Variants in CCDC178 observed in about 807,000 individuals in gnomAD.
CCDC178 encodes coiled-coil domain containing 178, also known as coiled-coil domain-containing protein 178.
Under a neutral mutation model 117.4 loss-of-function variants are expected in CCDC178, and 126 were observed. The ratio of observed to expected loss-of-function variants is 1.07; its 90% CI spans 0.93 to 1.24. The LOEUF is 1.24. CCDC178 is among the 50% of genes most tolerant of loss of function. The pLI, the probability that CCDC178 is intolerant of heterozygous loss-of-function variation, is 0.00. For synonymous variants in CCDC178, 283 were observed against 313.4 expected (o/e 0.90, Z 1.02); for missense variants, 1,030 against 986.9 (o/e 1.04, Z -0.59).
chr18:33,005,569 A>G (rs1019083984), intron 21 of CCDC178, among the ~76,000 whole-genome samples: 5 of 152,086 alleles, frequency 3.3e-5, no homozygotes, highest in African/African-American at 9.7e-5. Flanking sequence ...GTGACAACAG[A>G]CAACAATAAC....
intron 9 of CCDC178, among the ~76,000 whole-genome samples, chr18:33,339,777 T>C (rs1206276343): frequency 6.6e-6 from 1 of 152,124 alleles, no homozygotes; most frequent in Non-Finnish European, 1.5e-5. Context: ...CATTTTTCTC[T>C]TGCCACTGCC....
intron 21 of CCDC178, among the ~76,000 whole-genome samples, chr18:33,066,062 C>T (rs1462598738): frequency 1.3e-5 from 2 of 151,828 alleles, no homozygotes; most frequent in South Asian, 2.1e-4. Context: ...GGGGTTTTAC[C>T]GTGTTGGCCA....
chr18:33,060,840 A>G (rs982084694), intron 21 of CCDC178, among the ~76,000 whole-genome samples: 6 of 152,278 alleles, frequency 3.9e-5, no homozygotes, highest in African/African-American at 1.2e-4. Flanking sequence ...CAGAAAAACA[A>G]TAGCACTTAA....
intron 15 of CCDC178, among the ~76,000 whole-genome samples, chr18:33,233,108 T>C (rs1186602177): frequency 6.6e-6 from 1 of 152,192 alleles, no homozygotes; most frequent in Non-Finnish European, 1.5e-5. Context: ...TCATGAACCA[T>C]GTTTTCAGTG....
At chr18:33,093,023 T>C (rs1445936629) in intron 20 of CCDC178, 113 bp from the exon 21 acceptor site, 3 of 563,978 alleles carry the variant, frequency 5.3e-6, no homozygotes, top group Non-Finnish European at 8.6e-6. Context: ...ACATGCTCTA[T>C]TATGTATAGT....
chr18:33,175,731 G>C (rs1293076898), intron 20 of CCDC178, among the ~76,000 whole-genome samples: 1 of 152,066 alleles, frequency 6.6e-6, no homozygotes, highest in Non-Finnish European at 1.5e-5. Context: ...AGAGTTTCAG[G>C]ACTTTAGAAA....
intron 5 of CCDC178, among the ~76,000 whole-genome samples, chr18:33,381,892 C>T (rs1190902594): frequency 6.6e-6 from 1 of 151,308 alleles, no homozygotes; most frequent in African/African-American, 2.4e-5. Flanking sequence ...TTTATTTGGC[C>T]TACAAGATTT....
At chr18:32,949,167 A>G (rs1016286656) in intron 22 of CCDC178, among the ~76,000 whole-genome samples, 1 of 152,060 alleles carries the variant, frequency 6.6e-6, no homozygotes, top group South Asian at 2.1e-4. Context: ...TGGCTCTTCT[A>G]AAGATTTTTC....
chr18:33,427,725 T>G (rs2064141613), intron 2 of CCDC178, among the ~76,000 whole-genome samples: 1 of 152,162 alleles, frequency 6.6e-6, no homozygotes, highest in Admixed American at 6.5e-5. Flanking sequence ...TACCCATATA[T>G]CCACAAAGAT....
intron 20 of CCDC178, among the ~76,000 whole-genome samples, chr18:33,102,865 T>C (rs1247873276): frequency 6.6e-6 from 1 of 151,794 alleles, no homozygotes; most frequent in Non-Finnish European, 1.5e-5. Context: ...TGTAGATAAA[T>C]TTTATTGGAA....
intron 3 of CCDC178, among the ~76,000 whole-genome samples, chr18:33,401,076 C>T (rs2063703586): frequency 1.3e-5 from 2 of 152,110 alleles, no homozygotes; most frequent in Admixed American, 1.3e-4. Context: ...ACACATGCAA[C>T]ATTGATCGAT....
chr18:33,086,105 A>C (rs1312699157), intron 21 of CCDC178, among the ~76,000 whole-genome samples: 2 of 151,922 alleles, frequency 1.3e-5, no homozygotes, highest in East Asian at 3.8e-4. Context: ...AAAAATATTT[A>C]CTTGTTTTAT....
At chr18:33,279,797 G>A (rs1019692070) in intron 12 of CCDC178, among the ~76,000 whole-genome samples, 56 of 152,070 alleles carry the variant, frequency 3.7e-4, no homozygotes, top group African/African-American at 1.3e-3. Context: ...AAATAACGCC[G>A]CTTATCTACA....
intron 6 of CCDC178, among the ~76,000 whole-genome samples, chr18:33,362,602 T>C (rs1461333528): frequency 6.6e-6 from 1 of 151,954 alleles, no homozygotes; most frequent in African/African-American, 2.4e-5. Context: ...GAGACTAACA[T>C]AGATATGTTA....
chr18:33,256,757 T>A (rs1172771074), intron 14 of CCDC178, among the ~76,000 whole-genome samples: 1 of 152,094 alleles, frequency 6.6e-6, no homozygotes, highest in Non-Finnish European at 1.5e-5. Flanking sequence ...TTCTGGGTTC[T>A]ATTTTTAGGT....
chr18:33,408,791 C>A (rs2063815075), intron 3 of CCDC178, among the ~76,000 whole-genome samples: 1 of 152,096 alleles, frequency 6.6e-6, no homozygotes, highest in South Asian at 2.1e-4. Context: ...AATAAACGCA[C>A]TATCAGTATT....
At chr18:33,005,216 A>T (rs1314288200) in intron 21 of CCDC178, among the ~76,000 whole-genome samples, 2 of 152,082 alleles carry the variant, frequency 1.3e-5, no homozygotes, top group Non-Finnish European at 2.9e-5. Context: ...AACAACCTAA[A>T]TGCCTATCAA....
intron 20 of CCDC178, among the ~76,000 whole-genome samples, chr18:33,193,599 A>G (rs963053472): frequency 4.4e-4 from 67 of 152,316 alleles, no homozygotes; most frequent in African/African-American, 1.6e-3. Context: ...TATCTCACAT[A>G]GAATTCCGGA....
intron 20 of CCDC178, among the ~76,000 whole-genome samples, chr18:33,168,863 C>T (rs540058158): frequency 7.9e-5 from 12 of 152,230 alleles, no homozygotes; most frequent in Middle Eastern, 3.4e-3. Context: ...AAAATAAGCC[C>T]AGTTAAAAAG....
Sources: gnomAD v4.1 joint callset for allele counts (sites outside exome capture counted in the v4.1 genomes callset) on GRCh38, gnomAD v4.1.1 for gene constraint, MANE v1.5 for transcripts, NCBI Gene and HGNC (gene_info 2026-07-23, HGNC 2026-07-21) for gene names.